LRSAM1: variants seen among roughly 807,000 people sequenced by gnomAD.
LRSAM1 encodes leucine rich repeat and sterile alpha motif containing 1, also known as E3 ubiquitin-protein ligase LRSAM1.
In LRSAM1, 96 loss-of-function variants were observed where a neutral mutation model predicts 118.1. The observed-to-expected ratio is 0.81, with a 90% CI of 0.69 to 0.96. The LOEUF (loss-of-function observed/expected upper bound fraction) is 0.96, where lower values mean the gene tolerates loss of function less well. Ranked by LOEUF, LRSAM1 falls within the 40% of genes least tolerant of loss-of-function variation. The pLI, the probability that LRSAM1 is intolerant of heterozygous loss-of-function variation, is 0.00. For synonymous variants in LRSAM1, 322 were observed against 364.2 expected, an observed-to-expected ratio of 0.88 and a Z score of 1.32; for missense variants, 804 against 915.5, an observed-to-expected ratio of 0.88 and a Z score of 1.57.
At chr9:127,474,362 G>T (rs1181900669) in intron 11 of LRSAM1, among the ~76,000 whole-genome samples, 1 of 151,586 alleles carries the variant, frequency 6.6e-6, no homozygotes, top group East Asian at 1.9e-4. Flanking sequence ...TAACCTCCTG[G>T]GCTTAAGTGA....
chr9:127,460,924 C>T (rs1834716774), intron 7 of LRSAM1, among the ~76,000 whole-genome samples: 2 of 132,738 alleles, frequency 1.5e-5, no homozygotes, highest in Admixed American at 9.0e-5. Context: ...GGTGCAATCT[C>T]AGCTCACCGC....
rs1468375975 is a variant in LRSAM1 at position 127,492,865 on chromosome 9, C to G, written c.1567C>G (p.Gln523Glu). The G allele has an allele frequency of 1.9e-6, 3 of 1,613,972 alleles. No individual in the cohort carries two copies. The highest frequency in any genetic ancestry group is 1.3e-5 in the African/African-American group (1 of 74,946). ...GCTCCAGCAGCTGCTCAAAGAGAAGCAGCAGCGAGAGGAAGAGCTCCGGGA... is the reference window on the plus strand; with the variant it reads ...GCTCCAGCAGCTGCTCAAAGAGAAGGAGCAGCGAGAGGAAGAGCTCCGGGA... Reference protein sequence around the residue: ...SLLQQLLKEKQQREEELREIL... With the variant: ...SLLQQLLKEKEQREEELREIL... The change falls in exon 21 of 26, where the codon CAG becomes GAG. Residue 523 changes from glutamine (Q) to glutamate (E), a missense_variant. Gln to Glu is a conservative substitution (Grantham distance 29, BLOSUM62 2). Transcript: ENST00000300417.
chr9:127,502,313 G>A (rs1468524794), intron 25 of LRSAM1, among the ~76,000 whole-genome samples: 1 of 152,118 alleles, frequency 6.6e-6, no homozygotes, highest in South Asian at 2.1e-4. Context: ...TACCTGTTTC[G>A]GCCGTGCCTG....
Position 127,502,885 on chromosome 9 carries a change from TACC to T in LRSAM1, c.2161_2163del (p.His721del), listed in dbSNP as rs1196955593. On this transcript the variant is annotated inframe_deletion, in exon 26 of 26. Transcript: ENST00000300417. Reference sequence around the variant, plus strand: ...GGACATCGCCCAGCGCCTCCGCATCTACCACAGCAGCTGAGTGCTGCCCGCCCA... The same window carrying T: ...GGACATCGCCCAGCGCCTCCGCATCTACAGCAGCTGAGTGCTGCCCGCCCA... 6.2e-7 allele frequency: 1 copy of T among 1,603,576 alleles called. No individual in the cohort carries two copies. The highest frequency in any genetic ancestry group is 1.7e-5 in the Admixed American group (1 of 58,736).
At chr9:127,479,269 A>C (rs761606752) in intron 12 of LRSAM1, 114 bp from the exon 13 acceptor site, 17 of 1,499,366 alleles carry the variant, frequency 1.1e-5, no homozygotes, top group Non-Finnish European at 1.5e-5. Context: ...GGGGTTGCTC[A>C]GCATGAAGAC....
chr9:127,490,318 C>T (rs540962897), intron 19 of LRSAM1, among the ~76,000 whole-genome samples: 2 of 151,220 alleles, frequency 1.3e-5, no homozygotes, highest in South Asian at 4.2e-4. Context: ...TCTTTAATTT[C>T]AATTCCACAT....
Position 127,487,615 on chromosome 9 carries a change from G to A in LRSAM1, c.1260-61G>A, listed in dbSNP as rs1835777789. ...ATCTTGATCTCCTCCAAGGGGCCTG[G>A]CACATAGTAGGTGCTCGGGAAACGT... is the stretch of plus-strand genomic sequence containing the variant. On this transcript the variant is annotated intron_variant, in intron 17 of 25. Coordinates refer to ENST00000300417, the MANE Select transcript of LRSAM1 (RefSeq NM_001005373.4). 3 of 1,498,308 alleles carry A rather than the reference G, an allele frequency of 2.0e-6. No homozygotes were observed. The African/African-American group carries it at 4.1e-5, about 21-fold the overall frequency. The allele number at this position is 1,498,308 out of a possible 1,614,324, so 92.8% of individuals were successfully genotyped here. A position where few individuals can be genotyped will look rare whatever the true frequency, so the allele number is the denominator to read the frequency against.
intron 5 of LRSAM1, among the ~76,000 whole-genome samples, chr9:127,456,038 C>G (rs943134161): frequency 6.6e-6 from 1 of 151,936 alleles, no homozygotes; most frequent in Non-Finnish European, 1.5e-5. Flanking sequence ...TAGAAACTCA[C>G]GCCTTTTATT....
At position 127,499,444 on chromosome 9, in the gene LRSAM1, T is replaced by C. The variant is rs931792763; in HGVS notation, c.1913-1566T>C. On this transcript the variant is annotated intron_variant, in intron 24 of 25. Transcript: ENST00000300417. Reference sequence around the variant, plus strand: ...TACTCTGGAGGCTGAGGTAGGAGGATTGCTTGAGCCTGGGAGGTTGAGGCT... The same window carrying C: ...TACTCTGGAGGCTGAGGTAGGAGGACTGCTTGAGCCTGGGAGGTTGAGGCT... Among the ~76,000 whole-genome samples the C allele has an allele frequency of 2.0e-5, 3 of 151,944 alleles. No individual in the cohort carries two copies. The South Asian group carries it at 6.2e-4, about 31-fold the overall frequency.
At chr9:127,459,984 T>C (rs771060344) in intron 7 of LRSAM1, among the ~76,000 whole-genome samples, 19 of 152,098 alleles carry the variant, frequency 1.2e-4, no homozygotes, top group Non-Finnish European at 2.5e-4. Context: ...CTACTTAGCT[T>C]TCCATTGCAT....
chr9:127,468,810 CAAAA>C (rs1185949155), intron 10 of LRSAM1, among the ~76,000 whole-genome samples: 1 of 16,446 alleles, frequency 6.1e-5, no homozygotes, highest in African/African-American at 1.7e-4. Flanking sequence ...CCTGTCTCTA[CAAAA>C]AAAAAAAAAA....
chr9:127,452,567 T>C (rs1834365236), intron 2 of LRSAM1, among the ~76,000 whole-genome samples: 1 of 152,336 alleles, frequency 6.6e-6, no homozygotes, highest in South Asian at 2.1e-4. Flanking sequence ...TGCTTGCATG[T>C]GGGTTGCTTT....
chr9:127,478,264 G>A (rs1032664178), intron 11 of LRSAM1, among the ~76,000 whole-genome samples: 1 of 152,152 alleles, frequency 6.6e-6, no homozygotes, highest in Non-Finnish European at 1.5e-5. Context: ...TTGCCTGGAG[G>A]TAGTCATCAT....
At chr9:127,500,874 C>T (rs896307376) in intron 24 of LRSAM1, 136 bp from the exon 25 acceptor site, 3 of 1,181,412 alleles carry the variant, frequency 2.5e-6, no homozygotes, top group Non-Finnish European at 3.7e-6. Flanking sequence ...GAGAGCACTT[C>T]CCTCAGATCT....
chr9:127,452,915 C>T (rs1834377312), intron 2 of LRSAM1, among the ~76,000 whole-genome samples: 1 of 152,190 alleles, frequency 6.6e-6, no homozygotes, highest in African/African-American at 2.4e-5. Context: ...GCACCTGGCT[C>T]TGAGTTCAGG....
In LRSAM1 at chr9:127,456,592, C is replaced by CGGTGGCTCATGCCTGTAATCCCA. The variant is rs371855325; in HGVS notation, c.175-722_175-700dup. Among the ~76,000 whole-genome samples, 4 of 147,210 alleles carry CGGTGGCTCATGCCTGTAATCCCA rather than the reference C, an allele frequency of 2.7e-5. 1 individual carries two copies. Among genetic ancestry groups the CGGTGGCTCATGCCTGTAATCCCA allele is most frequent in the African/African-American group, 9.9e-5 (4 of 40,458 alleles). ...AAAAATGCAGTAGATTGGCCGGGTG[C>CGGTGGCTCATGCCTGTAATCCCA]GGTGGCTCATGCCTGTAATCCCAGC... On this transcript the variant is annotated intron_variant, in intron 5 of 25. Transcript: ENST00000300417.
chr9:127,461,242 A>G lies in LRSAM1; in HGVS notation c.391A>G (p.Thr131Ala), dbSNP rs748122042. The G allele has an allele frequency of 3.7e-6, 6 of 1,611,348 alleles. No individual in the cohort carries two copies. In the South Asian group the frequency reaches 5.5e-5, roughly 15 times the overall value. ...RSIGNLTQLQ[T>A]LNVKDNKLKE... is the part of the protein sequence containing the mutation. ...CATTGGGAACCTGACCCAGCTCCAGACTCTCAATGTTAAAGGTAGGGACCA... is the reference window on the plus strand; with the variant it reads ...CATTGGGAACCTGACCCAGCTCCAGGCTCTCAATGTTAAAGGTAGGGACCA... The change falls in exon 8 of 26, where the codon ACT (threonine) becomes GCT (alanine). Residue 131 changes from threonine to alanine, a missense_variant. Coordinates refer to ENST00000300417, the MANE Select transcript of LRSAM1 (RefSeq NM_001005373.4).
chr9:127,452,864 T>C (rs1442743796), intron 2 of LRSAM1, among the ~76,000 whole-genome samples: 1 of 152,192 alleles, frequency 6.6e-6, no homozygotes, highest in Non-Finnish European at 1.5e-5. Flanking sequence ...TATCCAGCTC[T>C]GGTATTTACA....
Position 127,454,597 on chromosome 9 carries a change from T to A in LRSAM1, c.70T>A (p.Leu24Met). 6.2e-7 allele frequency: 1 copy of A among 1,613,836 alleles called. No homozygotes were observed. The highest frequency in any genetic ancestry group is 8.5e-7 in the Non-Finnish European group (1 of 1,179,918). The change falls in exon 3 of 26, where the codon TTG becomes ATG. Residue 24 changes from leucine (L) to methionine (M), a missense_variant and splice_region_variant. Coordinates refer to ENST00000300417, the MANE Select transcript of LRSAM1 (RefSeq NM_001005373.4). ...ARKRLEYQMC[L>M]AKEAGADDIL... ...GAAACGCCTGGAGTACCAGATGTGT[T>A]TGGTGAGGGAAAGTGGGTTTCCTCT...
Sources: gnomAD v4.1 joint callset for allele counts (sites outside exome capture counted in the v4.1 genomes callset) on GRCh38, gnomAD v4.1.1 for gene constraint, MANE v1.5 for transcripts, NCBI Gene and HGNC (gene_info 2026-07-23, HGNC 2026-07-21) for gene names.